HOOK1: variants seen among roughly 807,000 people sequenced by gnomAD.
HOOK1 encodes the protein hook microtubule tethering protein 1, also known as protein Hook homolog 1.
A neutral mutation model predicts 112.8 loss-of-function variants in HOOK1; 60 were observed. That is an observed-to-expected ratio of 0.53 (90% confidence interval 0.43 to 0.66). HOOK1 has a LOEUF of 0.66. HOOK1 is among the 30% of genes least tolerant of loss of function. HOOK1 has a pLI of 0.00. For synonymous variants in HOOK1, 294 were observed against 283.8 expected, an observed-to-expected ratio of 1.04 and a Z score of -0.36; for missense variants, 770 against 856.0, an observed-to-expected ratio of 0.90 and a Z score of 1.25.
intron 15 of HOOK1, among the ~76,000 whole-genome samples, chr1:59,862,053 CTA>C (rs1380255908): frequency 3.9e-5 from 6 of 152,150 alleles, no homozygotes; most frequent in African/African-American, 1.4e-4. Flanking sequence ...TTACATATTA[CTA>C]TCTTATTCAG....
chr1:59,849,435 G>T (rs375311278), intron 12 of HOOK1, among the ~76,000 whole-genome samples: 2 of 151,604 alleles, frequency 1.3e-5, no homozygotes, highest in African/African-American at 4.8e-5. Flanking sequence ...TAGACTGTCA[G>T]TTGCATGGGA....
chr1:59,836,968 A>C, intron 7 of HOOK1, 33 bp downstream of exon 7: 1 of 1,385,974 alleles, frequency 7.2e-7, no homozygotes, highest in Non-Finnish European at 1.0e-6. Context: ...AAAATGTTGA[A>C]AGCAATGTTA....
chr1:59,834,547 A>G (rs1266826956), intron 5 of HOOK1, among the ~76,000 whole-genome samples: 2 of 152,130 alleles, frequency 1.3e-5, no homozygotes, highest in African/African-American at 4.8e-5. Flanking sequence ...AAAGATCTGT[A>G]TATTGGGTTT....
At chr1:59,832,133 A>C in intron 3 of HOOK1, 30 bp from the exon 4 acceptor site, 1 of 1,271,202 alleles carries the variant, frequency 7.9e-7, no homozygotes, top group Non-Finnish European at 1.1e-6. Flanking sequence ...ATTAATCTGA[A>C]ATAAGAATCT....
Position 59,855,965 on chromosome 1 carries a change from AT to A in HOOK1, c.1243-2461del, listed in dbSNP as rs1212781152. ...ATTTATATATATATATATATAAATT[AT>A]TATATATATATATATATATTTTTTT... On this transcript the variant is annotated intron_variant, in intron 12 of 21. Transcript: ENST00000371208. 4.5e-3 allele frequency among the ~76,000 whole-genome samples: 339 copies of A among 74,802 alleles called. 1 individual carries two copies. Among genetic ancestry groups the A allele is most frequent in the African/African-American group, 0.017 (256 of 14,844 alleles). The allele number at this position is 74,802 out of a possible 152,430, so 49.1% of individuals were successfully genotyped here. A position where few individuals can be genotyped will look rare whatever the true frequency, so the allele number is the denominator to read the frequency against.
rs1001868461 is a variant in HOOK1 at position 59,876,322 on chromosome 1, A to G, written c.*3357A>G. 5 of 152,640 alleles carry G rather than the reference A, an allele frequency of 3.3e-5. No homozygotes were observed. The highest frequency in any genetic ancestry group is 4.1e-4 in the South Asian group (2 of 4,836). 9.5% of individuals were successfully genotyped at this position (152,640 alleles called of 1,614,324 possible). On this transcript the variant is annotated 3_prime_UTR_variant, in exon 22 of 22. Transcript: ENST00000371208. ...TTAAATAAATGATTGTCCATTATCA[A>G]TATAATAGTTGTGAAATGATTTAAG...
At position 59,823,692 on chromosome 1, in the gene HOOK1, C is replaced by T. The variant is rs113716946; in HGVS notation, c.149+1749C>T. On this transcript the variant is annotated intron_variant, in intron 2 of 21. Coordinates refer to ENST00000371208, the MANE Select transcript of HOOK1 (RefSeq NM_015888.6). ...TGTGATGCATATAGCTCTTTGACCT[C>T]CTATGCTCTAGCACTGGACCTGATG... Among the ~76,000 whole-genome samples the T allele has an allele frequency of 4.7e-3, 710 of 152,316 alleles. 3 individuals carry two copies. The highest frequency in any genetic ancestry group is 0.016 in the African/African-American group (675 of 41,558).
In HOOK1 at chr1:59,814,954, G is replaced by T. The variant is rs2098379898; in HGVS notation, c.-164G>T. 2 of 652,170 alleles carry T rather than the reference G, an allele frequency of 3.1e-6. No individual in the cohort carries two copies. The highest frequency in any genetic ancestry group is 3.8e-5 in the South Asian group (2 of 52,512). The allele number at this position is 652,170 out of a possible 1,614,324, so 40.4% of individuals were successfully genotyped here. A position where few individuals can be genotyped will look rare whatever the true frequency, so the allele number is the denominator to read the frequency against. On this transcript the variant is annotated 5_prime_UTR_variant, in exon 1 of 22. Coordinates refer to ENST00000371208, the MANE Select transcript of HOOK1 (RefSeq NM_015888.6). ...CGGGGGCGGGTGAGGAGGGGGTGAC[G>T]CCGGACGCGTCGACAGCGCGAGGGT... is the stretch of plus-strand genomic sequence containing the variant.
intron 2 of HOOK1, among the ~76,000 whole-genome samples, chr1:59,823,611 G>C (rs993412436): frequency 6.6e-6 from 1 of 152,076 alleles, no homozygotes; most frequent in African/African-American, 2.4e-5. Flanking sequence ...ATGTTTTGGT[G>C]GGCTTTGGTA....
At chr1:59,865,292 CT>C (rs1643942589) in intron 18 of HOOK1, 47 bp downstream of exon 18, 1 of 1,162,696 alleles carries the variant, frequency 8.6e-7, no homozygotes, top group East Asian at 2.3e-5. Flanking sequence ...TATCTAAGGA[CT>C]TACCCTTTTT....
intron 13 of HOOK1, 74 bp from the exon 14 acceptor site, chr1:59,858,910 AG>A (rs1455645598): frequency 4.5e-5 from 25 of 552,434 alleles, no homozygotes; most frequent in East Asian, 7.5e-5. Context: ...AAAGAGAGGG[AG>A]GGGGGGAAGG....
chr1:59,833,124 T>G (rs1333000656), intron 4 of HOOK1, among the ~76,000 whole-genome samples: 1 of 152,160 alleles, frequency 6.6e-6, no homozygotes. Context: ...CATAGTAGAC[T>G]AGGCCAAGTG....
intron 20 of HOOK1, 188 bp from the exon 21 acceptor site, chr1:59,870,854 C>T: frequency 2.0e-6 from 1 of 501,404 alleles, no homozygotes; most frequent in Non-Finnish European, 3.6e-6. Flanking sequence ...TAGTCACAAA[C>T]CTTATTCTTT....
chr1:59,872,884 GTCTT>G lies in HOOK1; in HGVS notation c.2111_2114del (p.Phe704Ter), dbSNP rs1465686097. The G allele has an allele frequency of 2.0e-6, 3 of 1,530,192 alleles. No individual in the cohort carries two copies. The highest frequency in any genetic ancestry group is 1.4e-5 in the African/African-American group (1 of 72,582). The allele number at this position is 1,530,192 out of a possible 1,614,324, so 94.8% of individuals were successfully genotyped here. A position where few individuals can be genotyped will look rare whatever the true frequency, so the allele number is the denominator to read the frequency against. ...ACACTGGTGCGTGCACTCCTGCGCG[GTCTT>G]TCTTAGCGCAGCAACGGCACATCAC... On this transcript the variant is annotated frameshift_variant, in exon 22 of 22. Coordinates refer to ENST00000371208, the MANE Select transcript of HOOK1 (RefSeq NM_015888.6). LOFTEE classifies it high-confidence loss of function.
At chr1:59,869,949 C>G (rs916606589) in intron 20 of HOOK1, among the ~76,000 whole-genome samples, 1 of 152,150 alleles carries the variant, frequency 6.6e-6, no homozygotes, top group Admixed American at 6.5e-5. Context: ...GTGGACGTGT[C>G]TTGAGGGCAA....
intron 10 of HOOK1, 84 bp downstream of exon 10, chr1:59,847,269 C>A: frequency 1.7e-6 from 2 of 1,170,854 alleles, no homozygotes; most frequent in South Asian, 1.4e-5. Flanking sequence ...ATCAGGGATT[C>A]ATAGGATTAT....
intron 5 of HOOK1, among the ~76,000 whole-genome samples, chr1:59,833,754 A>C (rs1203873005): frequency 6.6e-6 from 1 of 152,174 alleles, no homozygotes; most frequent in Non-Finnish European, 1.5e-5. Flanking sequence ...TCAGTGGCTA[A>C]ATTAGATGTA....
intron 15 of HOOK1, among the ~76,000 whole-genome samples, chr1:59,860,883 C>T (rs2098413243): frequency 6.6e-6 from 1 of 151,762 alleles, no homozygotes. Context: ...AAGCGATTCT[C>T]CTGCCTCACC....
At chr1:59,841,811 A>G (rs2098401168) in intron 8 of HOOK1, among the ~76,000 whole-genome samples, 1 of 152,136 alleles carries the variant, frequency 6.6e-6, no homozygotes. Flanking sequence ...TGTAACAAAT[A>G]ATAAAGGATA....
Sources: gnomAD v4.1 joint callset for allele counts (sites outside exome capture counted in the v4.1 genomes callset) on GRCh38, gnomAD v4.1.1 for gene constraint, MANE v1.5 for transcripts, NCBI Gene and HGNC (gene_info 2026-07-23, HGNC 2026-07-21) for gene names.